CCSER1: variants seen among roughly 807,000 people sequenced by gnomAD.
CCSER1 encodes the protein serine-rich coiled-coil domain-containing protein 1.
A neutral mutation model predicts 82.0 loss-of-function variants in CCSER1; 41 were observed. That is an observed-to-expected ratio of 0.50 (90% CI 0.39 to 0.65). The LOEUF (loss-of-function observed/expected upper bound fraction) is 0.65. Ranked by LOEUF, CCSER1 falls within the 30% of genes least tolerant of loss-of-function variation. CCSER1 has a pLI of 0.00. For missense variants in CCSER1, 1,119 were observed against 1,064.2 expected (o/e 1.05, Z -0.72); for synonymous variants, 414 against 383.9 (o/e 1.08, Z -0.92).
At position 91,097,874 on chromosome 4, in the gene CCSER1, A is replaced by G. The variant is rs563958527; in HGVS notation, c.2217+11880A>G. On this transcript the variant is annotated intron_variant, in intron 10 of 10. Coordinates refer to ENST00000509176, the MANE Select transcript of CCSER1 (RefSeq NM_001145065.2). ...TCATTCTCAAGAAAATAATGAGCAT[A>G]TCTTATAACCTGTTATCTGTTTTAG... Among the ~76,000 whole-genome samples, 88 of 152,314 alleles carry G rather than the reference A, an allele frequency of 5.8e-4. 2 individuals carry two copies. In the South Asian group the frequency reaches 0.018, roughly 30 times the overall value.
At chr4:91,373,055 C>T (rs1351010622) in intron 10 of CCSER1, among the ~76,000 whole-genome samples, 2 of 151,210 alleles carry the variant, frequency 1.3e-5, no homozygotes, top group East Asian at 3.9e-4. Flanking sequence ...GACCTGCAGG[C>T]AGAAACACTG....
chr4:90,674,709 CT>C (rs1487652804), intron 6 of CCSER1, among the ~76,000 whole-genome samples: 9 of 151,838 alleles, frequency 5.9e-5, no homozygotes, highest in South Asian at 2.1e-4. Context: ...GTTTAAGGAT[CT>C]TCACTGATGC....
At chr4:90,942,689 C>T (rs1731737301) in intron 9 of CCSER1, among the ~76,000 whole-genome samples, 1 of 151,528 alleles carries the variant, frequency 6.6e-6, no homozygotes, top group Non-Finnish European at 1.5e-5. Flanking sequence ...AAACTTGATA[C>T]AGAGGAGAAA....
intron 10 of CCSER1, among the ~76,000 whole-genome samples, chr4:91,317,900 G>C (rs1476660236): frequency 1.3e-5 from 2 of 151,842 alleles, no homozygotes; most frequent in Non-Finnish European, 2.9e-5. Flanking sequence ...TGAAACCCTG[G>C]GTGAGAGCAT....
At chr4:90,355,082 A>G (rs2153514812) in intron 3 of CCSER1, among the ~76,000 whole-genome samples, 1 of 152,176 alleles carries the variant, frequency 6.6e-6, no homozygotes, top group South Asian at 2.1e-4. Context: ...CTAAGAACAA[A>G]CAGTTAAGTA....
chr4:91,064,520 T>C (rs1744201700), intron 9 of CCSER1, among the ~76,000 whole-genome samples: 1 of 152,238 alleles, frequency 6.6e-6, no homozygotes, highest in Non-Finnish European at 1.5e-5. Flanking sequence ...GCAGTGTTTC[T>C]GCCCAGGAGA....
rs1739021595 is a variant in CCSER1 at position 91,011,765 on chromosome 4, A to C, written c.2173-74185A>C. Reference sequence around the variant, plus strand: ...GGTCTCAGGGAATGAGGCACTGTGTAGTGGTGACTCTGGGCCCTAGGATGG... The same window carrying C: ...GGTCTCAGGGAATGAGGCACTGTGTCGTGGTGACTCTGGGCCCTAGGATGG... On this transcript the variant is annotated intron_variant, in intron 9 of 10. Transcript: ENST00000509176. 1.5e-5 allele frequency among the ~76,000 whole-genome samples: 2 copies of C among 134,416 alleles called. 1 individual carries two copies. The highest frequency in any genetic ancestry group is 3.5e-5 in the Non-Finnish European group (2 of 57,682). 88.2% of individuals were successfully genotyped at this position (134,416 alleles called of 152,430 possible). A position where few individuals can be genotyped will look rare whatever the true frequency, so the allele number is the denominator to read the frequency against.
intron 10 of CCSER1, among the ~76,000 whole-genome samples, chr4:91,195,516 T>C (rs17018210): frequency 0.013 from 1,972 of 152,246 alleles, 24 homozygotes; most frequent in African/African-American, 0.036. Flanking sequence ...ACTTGAATCA[T>C]ACCAATATAA....
chr4:90,582,228 G>A (rs1489885698), intron 5 of CCSER1, among the ~76,000 whole-genome samples: 1 of 152,056 alleles, frequency 6.6e-6, no homozygotes, highest in Admixed American at 6.6e-5. Context: ...AGAATATTTC[G>A]AGGATTCAGA....
chr4:90,406,537 C>T (rs1291725938), intron 4 of CCSER1, among the ~76,000 whole-genome samples: 1 of 152,124 alleles, frequency 6.6e-6, no homozygotes, highest in African/African-American at 2.4e-5. Context: ...GAACATTCTA[C>T]CCAACAACTG....
intron 8 of CCSER1, among the ~76,000 whole-genome samples, chr4:90,845,394 G>A (rs1002993077): frequency 1.1e-4 from 17 of 150,736 alleles, no homozygotes; most frequent in African/African-American, 4.1e-4. Context: ...TATTTGTTGA[G>A]TGAATGAAAT....
At position 91,244,522 on chromosome 4, in the gene CCSER1, C is replaced by T. The variant is rs113087058; in HGVS notation, c.2217+158528C>T. Reference sequence around the variant, plus strand: ...TTTGGGAGAAAGTCAGAGAAAAGAACAAAAGTCTCTGCCTGGTAATCCAGA... The same window carrying T: ...TTTGGGAGAAAGTCAGAGAAAAGAATAAAAGTCTCTGCCTGGTAATCCAGA... On this transcript the variant is annotated intron_variant, in intron 10 of 10. Coordinates refer to ENST00000509176, the MANE Select transcript of CCSER1 (RefSeq NM_001145065.2). 5.2e-3 allele frequency among the ~76,000 whole-genome samples: 796 copies of T among 152,312 alleles called. 3 individuals are homozygous for T. Among genetic ancestry groups the T allele is most frequent in the African/African-American group, 0.018 (759 of 41,558 alleles).
intron 10 of CCSER1, among the ~76,000 whole-genome samples, chr4:91,126,327 G>A (rs1046480164): frequency 4.8e-4 from 73 of 151,766 alleles, no homozygotes; most frequent in African/African-American, 1.7e-3. Context: ...AACAAACAAG[G>A]CAAACTTAAT....
chr4:90,325,683 G>C (rs1192678663), intron 3 of CCSER1: 1 of 441,464 alleles, frequency 2.3e-6, no homozygotes, highest in South Asian at 1.6e-5. Context: ...TACCTGTTCT[G>C]AGGTGACAGT....
chr4:90,180,876 A>G (rs1481779047), intron 1 of CCSER1, among the ~76,000 whole-genome samples: 1 of 152,128 alleles, frequency 6.6e-6, no homozygotes. Flanking sequence ...TGTTGCTAAG[A>G]CTATAGGTTG....
At chr4:90,855,625 C>T (rs1402128912) in intron 8 of CCSER1, among the ~76,000 whole-genome samples, 1 of 152,004 alleles carries the variant, frequency 6.6e-6, no homozygotes, top group Admixed American at 6.6e-5. Flanking sequence ...TTTTCACCAG[C>T]CTTTTAACTC....
intron 10 of CCSER1, among the ~76,000 whole-genome samples, chr4:91,119,675 T>C (rs1726921203): frequency 6.6e-6 from 1 of 151,922 alleles, no homozygotes; most frequent in Admixed American, 6.6e-5. Flanking sequence ...CTATTTACTA[T>C]GTATATAAGT....
chr4:90,246,554 A>G (rs1721439644), intron 1 of CCSER1, among the ~76,000 whole-genome samples: 1 of 152,154 alleles, frequency 6.6e-6, no homozygotes, highest in African/African-American at 2.4e-5. Flanking sequence ...TCCTGTTCTC[A>G]GTAAAAATTT....
chr4:90,135,023 C>T (rs186038252), intron 1 of CCSER1, among the ~76,000 whole-genome samples: 1 of 152,080 alleles, frequency 6.6e-6, no homozygotes, highest in African/African-American at 2.4e-5. Context: ...ACTAATTTTT[C>T]ACTTATGGCT....
Sources: allele counts gnomAD v4.1 joint callset (sites outside exome capture counted in the v4.1 genomes callset), GRCh38; gene constraint gnomAD v4.1.1; transcripts MANE v1.5; gene names NCBI Gene and HGNC (gene_info 2026-07-23, HGNC 2026-07-21).